CHRM3: variants seen among roughly 807,000 people sequenced by gnomAD.
CHRM3 encodes cholinergic receptor muscarinic 3.
A neutral mutation model predicts 41.8 loss-of-function variants in CHRM3; 11 were observed. The observed-to-expected ratio is 0.26, with a 90% CI of 0.17 to 0.44. The LOEUF (loss-of-function observed/expected upper bound fraction) is 0.44, where lower values mean the gene tolerates loss of function less well. Among genes scored for constraint, CHRM3 ranks in the 20% least tolerant of loss-of-function variants. The pLI, the probability that CHRM3 is intolerant of heterozygous loss-of-function variation, is 1.00. For missense variants in CHRM3, 571 were observed against 745.4 expected (o/e 0.77, Z 2.72); for synonymous variants, 297 against 301.4 (o/e 0.99, Z 0.15).
At chr1:239,549,435 AG>A (rs528812439) in intron 3 of CHRM3, among the ~76,000 whole-genome samples, 35 of 150,602 alleles carry the variant, frequency 2.3e-4, no homozygotes, top group Admixed American at 6.0e-4. Flanking sequence ...AGATCACTTG[AG>A]GTCAGAAGTT....
intron 1 of CHRM3, among the ~76,000 whole-genome samples, chr1:239,487,857 C>CAA (rs138469083): frequency 6.5e-4 from 61 of 93,736 alleles, no homozygotes; most frequent in Middle Eastern, 7.2e-3. Flanking sequence ...GTAATATTTG[C>CAA]AAAAAAAAAA....
intron 1 of CHRM3, among the ~76,000 whole-genome samples, chr1:239,415,845 G>A (rs1480570586): frequency 6.6e-6 from 1 of 152,160 alleles, no homozygotes; most frequent in Non-Finnish European, 1.5e-5. Flanking sequence ...ATGCAACTTG[G>A]ATGCTGATTT....
chr1:239,843,451 T>G (rs1397071465), intron 6 of CHRM3, among the ~76,000 whole-genome samples: 1 of 44,416 alleles, frequency 2.3e-5, no homozygotes, highest in Non-Finnish European at 5.3e-5. Flanking sequence ...GCTTTCCTTT[T>G]TTTTTTTTTT....
intron 1 of CHRM3, among the ~76,000 whole-genome samples, chr1:239,429,864 G>A (rs572292467): frequency 1.4e-5 from 2 of 146,292 alleles, no homozygotes; most frequent in Non-Finnish European, 3.0e-5. Context: ...CATGGGTTCT[G>A]CCGTCTTTAT....
At position 239,901,765 on chromosome 1, in the gene CHRM3, T is replaced by G. The variant is rs139823047; in HGVS notation, c.-19-5668T>G. ...GAATTCATTTCAAAACGAATGGTCT[T>G]ATAGATTTTCCTCATTTTTGTCATA... On this transcript the variant is annotated intron_variant, in intron 6 of 6. Coordinates refer to ENST00000676153, the MANE Select transcript of CHRM3 (RefSeq NM_001375978.1). Among the ~76,000 whole-genome samples the G allele has an allele frequency of 2.0e-5, 3 of 152,328 alleles. No individual in the cohort carries two copies. The East Asian group carries it at 5.8e-4, about 29-fold the overall frequency.
chr1:239,643,248 A>G (rs1000098880), intron 4 of CHRM3, among the ~76,000 whole-genome samples: 5 of 152,182 alleles, frequency 3.3e-5, no homozygotes, highest in Admixed American at 6.5e-5. Context: ...CAGTCTGCCC[A>G]TTCTCAGATC....
chr1:239,733,834 A>G (rs1664180492), intron 5 of CHRM3, among the ~76,000 whole-genome samples: 1 of 152,116 alleles, frequency 6.6e-6, no homozygotes, highest in Admixed American at 6.6e-5. Flanking sequence ...TGTCAATCAG[A>G]CATTGCTTGA....
intron 4 of CHRM3, among the ~76,000 whole-genome samples, chr1:239,675,137 A>G (rs1416456135): frequency 6.6e-6 from 1 of 152,282 alleles, no homozygotes; most frequent in African/African-American, 2.4e-5. Context: ...GCTTAATTAG[A>G]TTGCAAATCA....
intron 4 of CHRM3, among the ~76,000 whole-genome samples, chr1:239,673,694 T>C (rs1657643355): frequency 6.6e-6 from 1 of 152,104 alleles, no homozygotes; most frequent in South Asian, 2.1e-4. Flanking sequence ...TTCATTAACA[T>C]ATATATAGTA....
chr1:239,885,891 T>A (rs1041439223), intron 6 of CHRM3, among the ~76,000 whole-genome samples: 2 of 152,180 alleles, frequency 1.3e-5, no homozygotes, highest in Admixed American at 6.5e-5. Flanking sequence ...TTGTCTGATG[T>A]GTCACTTGGG....
intron 5 of CHRM3, among the ~76,000 whole-genome samples, chr1:239,686,284 G>T (rs1571982211): frequency 6.6e-6 from 1 of 152,242 alleles, no homozygotes; most frequent in East Asian, 1.9e-4. Flanking sequence ...GTTTCTATGG[G>T]AGCTCATCTG....
At chr1:239,699,276 T>C (rs1660472687) in intron 5 of CHRM3, among the ~76,000 whole-genome samples, 1 of 151,954 alleles carries the variant, frequency 6.6e-6, no homozygotes, top group Admixed American at 6.6e-5. Flanking sequence ...CCCAGTGTGA[T>C]GGTATTTGGA....
At chr1:239,667,977 G>A (rs187422792) in intron 4 of CHRM3, among the ~76,000 whole-genome samples, 38 of 151,342 alleles carry the variant, frequency 2.5e-4, no homozygotes, top group African/African-American at 8.2e-4. Flanking sequence ...TGGAATTGGT[G>A]CAGACTCCAT....
chr1:239,562,604 G>A (rs1020981358), intron 3 of CHRM3, among the ~76,000 whole-genome samples: 5 of 151,804 alleles, frequency 3.3e-5, no homozygotes, highest in South Asian at 2.1e-4. Context: ...TTTTTAAAGC[G>A]TTGGGTCAGG....
chr1:239,654,372 A>T (rs954453391), intron 4 of CHRM3, among the ~76,000 whole-genome samples: 2 of 152,162 alleles, frequency 1.3e-5, no homozygotes, highest in African/African-American at 4.8e-5. Context: ...TTCAATTCTT[A>T]CTTTTCCTAT....
intron 5 of CHRM3, among the ~76,000 whole-genome samples, chr1:239,757,824 C>G (rs1666370115): frequency 6.6e-6 from 1 of 152,146 alleles, no homozygotes. Context: ...GTTTGCCCAT[C>G]TCCTGAAAGA....
intron 4 of CHRM3, among the ~76,000 whole-genome samples, chr1:239,662,105 ATG>A (rs57202092): frequency 0.15 from 21,930 of 144,650 alleles, 1,597 homozygotes; most frequent in South Asian, 0.25. Context: ...TCAGTTTTAG[ATG>A]TGTGTGTGTG....
At chr1:239,533,539 C>CTT (rs1657868726) in intron 2 of CHRM3, among the ~76,000 whole-genome samples, 2 of 150,868 alleles carry the variant, frequency 1.3e-5, no homozygotes. Flanking sequence ...AGTTTGAGAC[C>CTT]AGCTTGGAGA....
chr1:239,844,069 C>A (rs183739108), intron 6 of CHRM3, among the ~76,000 whole-genome samples: 1 of 152,118 alleles, frequency 6.6e-6, no homozygotes, highest in Non-Finnish European at 1.5e-5. Flanking sequence ...CTTATTATTT[C>A]TTTGTGATAA....
Sources: gnomAD v4.1 joint callset for allele counts (sites outside exome capture counted in the v4.1 genomes callset) on GRCh38, gnomAD v4.1.1 for gene constraint, MANE v1.5 for transcripts, NCBI Gene and HGNC (gene_info 2026-07-23, HGNC 2026-07-21) for gene names.